The following SNRNP48 variants were observed in gnomAD, a reference collection of about 807,000 sequenced individuals.
SNRNP48 encodes the protein small nuclear ribonucleoprotein U11/U12 subunit 48.
Under a neutral mutation model 47.0 loss-of-function variants are expected in SNRNP48, and 43 were observed. The observed-to-expected ratio is 0.92, with a 90% confidence interval of 0.72 to 1.18. The LOEUF (loss-of-function observed/expected upper bound fraction) is 1.18, where lower values mean the gene tolerates loss of function less well. SNRNP48 is among the 50% of genes most tolerant of loss of function. The pLI, the probability that SNRNP48 is intolerant of heterozygous loss-of-function variation, is 0.00. For synonymous variants in SNRNP48, 138 were observed against 144.0 expected (o/e 0.96, Z 0.30); for missense variants, 396 against 422.2 (o/e 0.94, Z 0.54).
chr6:7,591,792 A>C (rs1581832084), intron 1 of SNRNP48, among the ~76,000 whole-genome samples: 2 of 152,236 alleles, frequency 1.3e-5, no homozygotes, highest in African/African-American at 4.8e-5. Flanking sequence ...CAGAAGTGAT[A>C]ATTTGTCGAA....
chr6:7,605,858 G>A (rs1760115106), intron 7 of SNRNP48, among the ~76,000 whole-genome samples, 173 bp from the exon 8 acceptor site: 1 of 152,164 alleles, frequency 6.6e-6, no homozygotes, highest in African/African-American at 2.4e-5. Flanking sequence ...GCATAAATGG[G>A]TTAAGAGCTG....
Position 7,595,027 on chromosome 6 carries a change from A to G in SNRNP48, c.332A>G (p.Asn111Ser), listed in dbSNP as rs1170738310. The change falls in exon 4 of 9, where the codon AAT becomes AGT. Residue 111 changes from asparagine (N) to serine (S), a missense_variant and splice_region_variant. Coordinates refer to ENST00000342415, the MANE Select transcript of SNRNP48 (RefSeq NM_152551.4). ...TTATGGATTTTTTTTTTTTTGACAG[A>G]TAAGGACTCACAATTCCAGATAATT... ...ENVKIPSITL[N>S]KDSQFQIIKQ... 1.6e-5 allele frequency: 25 copies of G among 1,588,732 alleles called. No homozygotes were observed. Among genetic ancestry groups the G allele is most frequent in the Non-Finnish European group, 2.0e-5 (23 of 1,171,556 alleles).
At position 7,595,223 on chromosome 6, in the gene SNRNP48, A is replaced by G. The variant is rs191268583; in HGVS notation, c.406+122A>G. 337 of 768,510 alleles carry G rather than the reference A, an allele frequency of 4.4e-4. No homozygotes were observed. The African/African-American group carries it at 4.6e-3, about 10-fold the overall frequency. 47.6% of individuals were successfully genotyped at this position (768,510 alleles called of 1,614,324 possible). ...TGTTACATGGGAAAGGTAAAGTTTT[A>G]CATTTAACATTGGGCTAATTTGCTT... On this transcript the variant is annotated intron_variant, in intron 4 of 8. Coordinates refer to ENST00000342415, the MANE Select transcript of SNRNP48 (RefSeq NM_152551.4).
chr6:7,598,698 G>GT (rs1173692938), intron 4 of SNRNP48, among the ~76,000 whole-genome samples: 24 of 151,890 alleles, frequency 1.6e-4, no homozygotes, highest in African/African-American at 5.6e-4. Context: ...CATCTAATTC[G>GT]TATTTTGTTT....
chr6:7,608,798 CA>C lies in SNRNP48; in HGVS notation c.972-26del, dbSNP rs776027653. On this transcript the variant is annotated intron_variant, in intron 8 of 8. Transcript: ENST00000342415. ...TATTAAAATGTCCATCATTTATAAC[CA>C]TTTTTTTATACCTCTTTTATTTCAG... is the stretch of plus-strand genomic sequence containing the variant. 14 of 1,414,288 alleles carry C rather than the reference CA, an allele frequency of 9.9e-6. No individual in the cohort carries two copies. The East Asian group carries it at 3.4e-4, about 34-fold the overall frequency. 87.6% of individuals were successfully genotyped at this position (1,414,288 alleles called of 1,614,324 possible). A position where few individuals can be genotyped will look rare whatever the true frequency, so the allele number is the denominator to read the frequency against.
intron 2 of SNRNP48, 42 bp downstream of exon 2, chr6:7,593,889 C>G: frequency 7.5e-7 from 1 of 1,341,386 alleles, no homozygotes; most frequent in Non-Finnish European, 1.0e-6. Context: ...ATATGTCATG[C>G]ATTTTACACA....
rs746195214 is a variant in SNRNP48, at chr6:7,593,773, A to C, written c.196A>C (p.Met66Leu). The C allele has an allele frequency of 6.2e-7, 1 of 1,602,302 alleles. No individual in the cohort carries two copies. The highest frequency in any genetic ancestry group is 2.2e-5 in the East Asian group (1 of 44,584). Residue 66 changes from methionine to leucine, a missense_variant, in exon 2 of 9, where the codon ATG becomes CTG. Transcript: ENST00000342415. ...VICPYDSNHHMPKSSLAKHMA... is the reference protein window; with the variant it reads ...VICPYDSNHHLPKSSLAKHMA... ...ATGTCCATACGATTCCAATCATCACATGCCTAAATCATCTTTGGCAAAGCA... is the reference window on the plus strand; with the variant it reads ...ATGTCCATACGATTCCAATCATCACCTGCCTAAATCATCTTTGGCAAAGCA...
chr6:7,601,012 A>G lies in SNRNP48; in HGVS notation c.407-324A>G, dbSNP rs74510664. 9.1e-3 allele frequency: 1,683 copies of G among 185,818 alleles called. 15 individuals carry two copies. Among genetic ancestry groups the G allele is most frequent in the Middle Eastern group, 0.02 (9 of 450 alleles). 11.5% of individuals were successfully genotyped at this position (185,818 alleles called of 1,614,324 possible). A position where few individuals can be genotyped will look rare whatever the true frequency, so the allele number is the denominator to read the frequency against. On this transcript the variant is annotated intron_variant, in intron 4 of 8. Transcript: ENST00000342415. ...CAGATACCTACTTTTGTAGATGGCT[A>G]TAAAAATTGTTACCCAAAAGGCTTT...
At chr6:7,595,781 C>T (rs1194482539) in intron 4 of SNRNP48, among the ~76,000 whole-genome samples, 2 of 152,120 alleles carry the variant, frequency 1.3e-5, no homozygotes, top group East Asian at 1.9e-4. Context: ...TTGGGATCCC[C>T]TTCTCAGAAA....
intron 3 of SNRNP48, 129 bp from the exon 4 acceptor site, chr6:7,594,898 T>C (rs1043539340): frequency 8.8e-6 from 6 of 680,356 alleles, no homozygotes; most frequent in South Asian, 3.7e-5. Context: ...GACAGGGATG[T>C]GGATGTTTCT....
At chr6:7,590,543 G>T (rs1406988018) in intron 1 of SNRNP48, 130 bp downstream of exon 1, 8 of 1,082,322 alleles carry the variant, frequency 7.4e-6, no homozygotes, top group African/African-American at 3.2e-5. Flanking sequence ...GAGCCGCGAT[G>T]GGCGCCTGGG....
At chr6:7,601,171 G>A (rs996532550) in intron 4 of SNRNP48, 165 bp from the exon 5 acceptor site, 9 of 499,562 alleles carry the variant, frequency 1.8e-5, no homozygotes, top group Admixed American at 4.2e-5. Flanking sequence ...GGATAGAATT[G>A]TTTGTCATTT....
At chr6:7,602,816 C>T in intron 6 of SNRNP48, 72 bp downstream of exon 6, 1 of 1,417,548 alleles carries the variant, frequency 7.1e-7, no homozygotes, top group South Asian at 1.5e-5. Flanking sequence ...TATGAATTTC[C>T]ACAATTCTTT....
At chr6:7,599,339 A>G (rs1282040571) in intron 4 of SNRNP48, among the ~76,000 whole-genome samples, 2 of 152,198 alleles carry the variant, frequency 1.3e-5, no homozygotes, top group South Asian at 2.1e-4. Flanking sequence ...AAAAAGTTCT[A>G]GAGATGGATA....
rs568005943 is a variant in SNRNP48, at chr6:7,606,810, C to T, written c.971+615C>T. 3.9e-5 allele frequency among the ~76,000 whole-genome samples: 6 copies of T among 152,312 alleles called. No individual in the cohort carries two copies. The East Asian group carries it at 5.8e-4, about 15-fold the overall frequency. ...TTTTCTCAATCTGCTCCTCTTTCCC[C>T]AGCATTACTGTCCTGGTTAAAGAGA... is the stretch of plus-strand genomic sequence containing the variant. On this transcript the variant is annotated intron_variant, in intron 8 of 8. Coordinates refer to ENST00000342415, the MANE Select transcript of SNRNP48 (RefSeq NM_152551.4).
At chr6:7,595,643 G>T (rs1330707952) in intron 4 of SNRNP48, among the ~76,000 whole-genome samples, 7 of 152,162 alleles carry the variant, frequency 4.6e-5, no homozygotes, top group Admixed American at 6.5e-5. Flanking sequence ...TTACTCTTGA[G>T]ATTTCCTCTC....
chr6:7,606,898 C>T (rs961729987), intron 8 of SNRNP48, among the ~76,000 whole-genome samples: 2 of 152,224 alleles, frequency 1.3e-5, no homozygotes, highest in African/African-American at 4.8e-5. Flanking sequence ...TCCTTCCACT[C>T]CTTATCATCT....
At chr6:7,600,691 T>A (rs1044635340) in intron 4 of SNRNP48, 10 of 152,190 alleles carry the variant, frequency 6.6e-5, no homozygotes, top group African/African-American at 2.4e-4. Flanking sequence ...TTAATTTGGT[T>A]AAGCCACTAT....
chr6:7,608,194 A>G (rs572549376), intron 8 of SNRNP48, among the ~76,000 whole-genome samples: 1 of 152,350 alleles, frequency 6.6e-6, no homozygotes, highest in African/African-American at 2.4e-5. Context: ...AAACCAGAAC[A>G]AGTAAAACAT....
Sources: allele counts gnomAD v4.1 joint callset (sites outside exome capture counted in the v4.1 genomes callset), GRCh38; gene constraint gnomAD v4.1.1; transcripts MANE v1.5; gene names NCBI Gene and HGNC (gene_info 2026-07-23, HGNC 2026-07-21).